DNAH12: variants seen among roughly 807,000 people sequenced by gnomAD.
DNAH12 encodes the protein dynein axonemal heavy chain 12, also known as axonemal beta dynein heavy chain 12.
A neutral mutation model predicts 371.5 loss-of-function variants in DNAH12; 285 were observed. The ratio of observed to expected loss-of-function variants is 0.77; its 90% CI spans 0.70 to 0.85. The LOEUF is 0.85. Ranked by LOEUF, DNAH12 falls within the 40% of genes least tolerant of loss-of-function variation. DNAH12 has a pLI of 0.00. For synonymous variants in DNAH12, 1,200 were observed against 1,213.0 expected, an observed-to-expected ratio of 0.99 and a Z score of 0.22; for missense variants, 3,611 against 3,689.4, an observed-to-expected ratio of 0.98 and a Z score of 0.55.
chr3:57,489,607 A>G lies in DNAH12; in HGVS notation c.1416T>C (p.Asp472=). The stretch of plus-strand genomic sequence containing the variant: ...TCAGGCCTGTCTTCAAATCTTCACA[A>G]TCCAAACGCACCATAGTGTAATGAA... The part of the protein sequence containing the change: ...QWIHYTMVRL[D]CEDLKTGLTN... The change falls in exon 12 of 74, where the codon GAT becomes GAC. Residue 472 remains aspartate (D), a synonymous_variant. Transcript: ENST00000495027. 1 of 1,544,226 alleles carries G rather than the reference A, an allele frequency of 6.5e-7. No homozygotes were observed. Among genetic ancestry groups the G allele is most frequent in the Non-Finnish European group, 8.7e-7 (1 of 1,144,762 alleles).
chr3:57,434,382 A>G (rs2065055314), intron 30 of DNAH12, among the ~76,000 whole-genome samples: 2 of 152,190 alleles, frequency 1.3e-5, no homozygotes, highest in African/African-American at 2.4e-5. Context: ...GTGACCCACA[A>G]CGTTGAGGTG....
intron 64 of DNAH12, among the ~76,000 whole-genome samples, chr3:57,322,760 T>C (rs1460914705): frequency 2.0e-5 from 3 of 152,166 alleles, no homozygotes; most frequent in Non-Finnish European, 2.9e-5. Context: ...TGAAACCCCA[T>C]TTCTACTAAA....
intron 59 of DNAH12, among the ~76,000 whole-genome samples, chr3:57,356,805 T>C (rs1003377407): frequency 1.3e-5 from 2 of 152,238 alleles, no homozygotes; most frequent in Non-Finnish European, 2.9e-5. Flanking sequence ...GGGGGTGCCA[T>C]CTCGACTCAC....
At chr3:57,425,486 C>T (rs2064738063) in intron 34 of DNAH12, among the ~76,000 whole-genome samples, 1 of 152,088 alleles carries the variant, frequency 6.6e-6, no homozygotes, top group Non-Finnish European at 1.5e-5. Context: ...TCAGTGCAGC[C>T]TCAACCTTCT....
chr3:57,461,722 G>A lies in DNAH12; in HGVS notation c.2536-33C>T, dbSNP rs1575634617. Reference sequence around the variant, plus strand: ...GGAGGAATGAAGAAAGAACGGGATGGTGAAGAAAGGATCTTATTTACTATA... The same window carrying A: ...GGAGGAATGAAGAAAGAACGGGATGATGAAGAAAGGATCTTATTTACTATA... On this transcript the variant is annotated intron_variant, in intron 18 of 73. Coordinates refer to ENST00000495027, the MANE Select transcript of DNAH12 (RefSeq NM_001366028.2). 2.0e-6 allele frequency: 3 copies of A among 1,505,782 alleles called. No homozygotes were observed. The South Asian group carries it at 3.6e-5, about 18-fold the overall frequency. 93.3% of individuals were successfully genotyped at this position (1,505,782 alleles called of 1,614,324 possible).
intron 32 of DNAH12, among the ~76,000 whole-genome samples, chr3:57,432,318 C>T (rs993269205): frequency 4.7e-5 from 7 of 148,520 alleles, no homozygotes; most frequent in South Asian, 4.4e-4. Context: ...TACAGGCGCG[C>T]GCCACCACAC....
At chr3:57,540,717 C>A (rs958182927) in intron 2 of DNAH12, among the ~76,000 whole-genome samples, 2 of 151,960 alleles carry the variant, frequency 1.3e-5, no homozygotes, top group Non-Finnish European at 2.9e-5. Flanking sequence ...ATCACTTAAG[C>A]CCAGGAATTT....
chr3:57,535,396 G>A (rs887298974), intron 2 of DNAH12, among the ~76,000 whole-genome samples: 6 of 152,178 alleles, frequency 3.9e-5, no homozygotes, highest in African/African-American at 1.4e-4. Flanking sequence ...CTCTCTGACT[G>A]TCTTGCCCTC....
the DNAH12 span, among the ~76,000 whole-genome samples, chr3:57,551,313 C>T: frequency 2.7e-5 from 4 of 146,886 alleles, no homozygotes; most frequent in East Asian, 4.2e-4. Context: ...GCTCTGTCGC[C>T]CAGGTTGGAG....
At chr3:57,302,856 G>A (rs1355970685) in intron 69 of DNAH12, among the ~76,000 whole-genome samples, 2 of 150,284 alleles carry the variant, frequency 1.3e-5, no homozygotes, top group African/African-American at 2.4e-5. Flanking sequence ...GATTACAGGC[G>A]TGAGCCACTG....
At chr3:57,406,838 C>T (rs945572399) in intron 40 of DNAH12, among the ~76,000 whole-genome samples, 1 of 152,052 alleles carries the variant, frequency 6.6e-6, no homozygotes, top group African/African-American at 2.4e-5. Context: ...TGAAGTTTAA[C>T]GTTCTCTTAA....
intron 29 of DNAH12, among the ~76,000 whole-genome samples, chr3:57,443,028 A>C (rs1168305687): frequency 6.6e-6 from 1 of 152,226 alleles, no homozygotes; most frequent in Non-Finnish European, 1.5e-5. Flanking sequence ...ATAAAGTAAC[A>C]AGTTACTTTC....
At chr3:57,521,063 CAAAAAAAAAAAAAAAAAAAAAAAAA>C (rs61570396) in intron 4 of DNAH12, among the ~76,000 whole-genome samples, 7 of 54,442 alleles carry the variant, frequency 1.3e-4, no homozygotes, top group Non-Finnish European at 2.3e-4. Context: ...GACTCTGTCT[CAAAAAAAAAAAAAAAAAAAAAAAAA>C]AAAAAAAAAA....
chr3:57,493,819 CT>C (rs1188149926), intron 11 of DNAH12: 1 of 151,388 alleles, frequency 6.6e-6, no homozygotes, highest in Non-Finnish European at 1.5e-5. Context: ...ACCCAACACT[CT>C]TTCATGGTAA....
At chr3:57,394,992 CAT>C (rs1474280606) in intron 43 of DNAH12, among the ~76,000 whole-genome samples, 1 of 151,968 alleles carries the variant, frequency 6.6e-6, no homozygotes, top group African/African-American at 2.4e-5. Flanking sequence ...GTTTGTAAAA[CAT>C]AGCCAGGATT....
At chr3:57,431,573 C>A (rs1250631629) in intron 32 of DNAH12, among the ~76,000 whole-genome samples, 1 of 152,192 alleles carries the variant, frequency 6.6e-6, no homozygotes, top group Non-Finnish European at 1.5e-5. Flanking sequence ...GATGTTTTCA[C>A]TTCTTTCATT....
intron 39 of DNAH12, among the ~76,000 whole-genome samples, chr3:57,410,308 C>T (rs1227161830): frequency 6.6e-6 from 1 of 151,470 alleles, no homozygotes; most frequent in Non-Finnish European, 1.5e-5. Context: ...CAAACTTTTC[C>T]ATTTTTTTTA....
At chr3:57,455,685 C>G (rs1227211610) in intron 22 of DNAH12, among the ~76,000 whole-genome samples, 1 of 152,074 alleles carries the variant, frequency 6.6e-6, no homozygotes. Context: ...TAATAGCGCC[C>G]TTGTATTATT....
At chr3:57,487,325 G>GGGAC (rs2066958170) in intron 12 of DNAH12, among the ~76,000 whole-genome samples, 1 of 124,120 alleles carries the variant, frequency 8.1e-6, no homozygotes, top group African/African-American at 3.3e-5. Context: ...GAGAGAGAAA[G>GGGAC]GGAGGGAGGG....
Sources: allele counts gnomAD v4.1 joint callset (sites outside exome capture counted in the v4.1 genomes callset), GRCh38; gene constraint gnomAD v4.1.1; transcripts MANE v1.5; gene names NCBI Gene and HGNC (gene_info 2026-07-23, HGNC 2026-07-21).